Variants in UBAC2 observed in about 807,000 individuals in gnomAD.
The protein encoded by UBAC2 is UBA domain containing 2.
UBAC2 carries 26 observed loss-of-function variants against 44.0 expected under a neutral mutation model. The observed-to-expected ratio is 0.59, with a 90% CI of 0.43 to 0.82. The LOEUF is 0.82. Among genes scored for constraint, UBAC2 ranks in the 40% least tolerant of loss-of-function variants. The pLI is 0.00. For missense variants in UBAC2, 329 were observed against 419.4 expected (o/e 0.78, Z 1.88); for synonymous variants, 155 against 154.3 (o/e 1.00, Z -0.04).
At position 99,314,293 on chromosome 13, in the gene UBAC2, A is replaced by G. The variant is rs1251962412; in HGVS notation, c.513+73A>G. The stretch of plus-strand genomic sequence containing the variant: ...TTTTTTTTTTTTTGGTCTTTTTCTC[A>G]TTTGATCTCCTTGAAAACAATGGTT... On this transcript the variant is annotated intron_variant, in intron 5 of 8. Transcript: ENST00000403766. 18 of 1,389,256 alleles carry G rather than the reference A, an allele frequency of 1.3e-5. No homozygotes were observed. The Admixed American group carries it at 5.1e-4, about 39-fold the overall frequency. The allele number at this position is 1,389,256 out of a possible 1,614,324, so 86.1% of individuals were successfully genotyped here.
intron 6 of UBAC2, among the ~76,000 whole-genome samples, chr13:99,338,787 AG>A (rs1196484690): frequency 2.6e-5 from 4 of 152,198 alleles, no homozygotes; most frequent in Admixed American, 2.6e-4. Flanking sequence ...TGCAACATCC[AG>A]TGGCTAGTTC....
At chr13:99,344,377 G>C (rs963966313) in intron 7 of UBAC2, among the ~76,000 whole-genome samples, 9 of 152,144 alleles carry the variant, frequency 5.9e-5, no homozygotes, top group African/African-American at 1.2e-4. Flanking sequence ...TCAGTGCCAG[G>C]CTTCAGGTTT....
At chr13:99,350,861 G>A (rs776210664) in intron 7 of UBAC2, among the ~76,000 whole-genome samples, 1 of 152,176 alleles carries the variant, frequency 6.6e-6, no homozygotes, top group Non-Finnish European at 1.5e-5. Flanking sequence ...TTATCTCCTG[G>A]GAGACAGTGT....
intron 1 of UBAC2, among the ~76,000 whole-genome samples, chr13:99,235,051 G>A (rs973013872): frequency 2.6e-5 from 4 of 152,126 alleles, no homozygotes; most frequent in Admixed American, 6.5e-5. Context: ...GAAGAGGGGC[G>A]TGACTGCTTT....
chr13:99,304,054 C>T (rs1023842148), intron 4 of UBAC2, among the ~76,000 whole-genome samples: 1 of 152,184 alleles, frequency 6.6e-6, no homozygotes, highest in Non-Finnish European at 1.5e-5. Context: ...GGCTCTCAAA[C>T]GGGGCCCATC....
At chr13:99,259,765 T>TTACC (rs994256343) in intron 4 of UBAC2, among the ~76,000 whole-genome samples, 136 of 152,376 alleles carry the variant, frequency 8.9e-4, no homozygotes, top group African/African-American at 3.1e-3. Flanking sequence ...TTCACATAGC[T>TTACC]TAGGACTTTT....
chr13:99,223,935 C>T (rs1281773721), intron 1 of UBAC2, among the ~76,000 whole-genome samples: 1 of 152,074 alleles, frequency 6.6e-6, no homozygotes, highest in East Asian at 1.9e-4. Flanking sequence ...TCCATATGCA[C>T]TTGAAAAAAT....
At chr13:99,244,676 A>C in intron 4 of UBAC2, 52 bp downstream of exon 4, 1 of 1,081,242 alleles carries the variant, frequency 9.2e-7, no homozygotes, top group Non-Finnish European at 1.4e-6. Flanking sequence ...AATCTGATTT[A>C]AAGTGTTATT....
At chr13:99,215,139 C>G (rs866000552) in intron 1 of UBAC2, among the ~76,000 whole-genome samples, 6 of 152,216 alleles carry the variant, frequency 3.9e-5, no homozygotes, top group Admixed American at 1.3e-4. Flanking sequence ...TCAATCAAAG[C>G]CCAGTACTTC....
At position 99,314,086 on chromosome 13, in the gene UBAC2, T is replaced by G; in HGVS notation, c.390-11T>G. On this transcript the variant is annotated splice_polypyrimidine_tract_variant and intron_variant, in intron 4 of 8. Coordinates refer to ENST00000403766, the MANE Select transcript of UBAC2 (RefSeq NM_001144072.2). ...ACTATTATAGTGATTTTTTTTTATT[T>G]GTTTGCATAGCCTGGCACCTGTGTT... 6.3e-7 allele frequency: 1 copy of G among 1,593,638 alleles called. No homozygotes were observed. The highest frequency in any genetic ancestry group is 8.5e-7 in the Non-Finnish European group (1 of 1,173,034).
intron 4 of UBAC2, among the ~76,000 whole-genome samples, chr13:99,298,726 G>A (rs943825173): frequency 2.0e-5 from 3 of 152,098 alleles, no homozygotes; most frequent in African/African-American, 7.2e-5. Context: ...AAATCATAGG[G>A]ATTTCATTGT....
intron 6 of UBAC2, among the ~76,000 whole-genome samples, chr13:99,318,747 G>A (rs567709824): frequency 2.7e-5 from 4 of 149,380 alleles, no homozygotes; most frequent in Non-Finnish European, 5.9e-5. Context: ...CGTGGAACCC[G>A]AGAGGTGGAG....
chr13:99,230,822 G>A (rs980447859), intron 1 of UBAC2, among the ~76,000 whole-genome samples: 3 of 152,118 alleles, frequency 2.0e-5, no homozygotes, highest in Admixed American at 6.5e-5. Context: ...AGGCCGAGGC[G>A]GGTGGATCAT....
In UBAC2 at chr13:99,321,019, G is replaced by A. The variant is rs527344423; in HGVS notation, c.561+2950G>A. Among the ~76,000 whole-genome samples, 5 of 152,288 alleles carry A rather than the reference G, an allele frequency of 3.3e-5. No homozygotes were observed. In the South Asian group the frequency reaches 1.0e-3, roughly 32 times the overall value. On this transcript the variant is annotated intron_variant, in intron 6 of 8. Transcript: ENST00000403766. ...TAATTATAATTATAGATGATATTCA[G>A]TGTTTTGGGGAATGTTACAAAACCT...
At chr13:99,208,213 T>C (rs1040658887) in intron 1 of UBAC2, among the ~76,000 whole-genome samples, 1 of 152,154 alleles carries the variant, frequency 6.6e-6, no homozygotes, top group Non-Finnish European at 1.5e-5. Flanking sequence ...GTCAGGCTGG[T>C]CTTGAACTCC....
At chr13:99,303,448 C>T (rs866964903) in intron 4 of UBAC2, among the ~76,000 whole-genome samples, 1 of 152,146 alleles carries the variant, frequency 6.6e-6, no homozygotes, top group South Asian at 2.1e-4. Context: ...GTAAAAGCCA[C>T]CTATGTGGCT....
intron 7 of UBAC2, among the ~76,000 whole-genome samples, chr13:99,348,912 C>T (rs1162439632): frequency 6.6e-6 from 1 of 152,152 alleles, no homozygotes; most frequent in East Asian, 1.9e-4. Context: ...ACTCAGGAGG[C>T]TGAGATGGAA....
chr13:99,343,974 TG>T (rs1185992184), intron 7 of UBAC2, among the ~76,000 whole-genome samples: 3 of 152,214 alleles, frequency 2.0e-5, no homozygotes, highest in African/African-American at 7.2e-5. Context: ...AGCTGGACAT[TG>T]AGGACACAGG....
chr13:99,235,861 G>T (rs1752745758), intron 1 of UBAC2, among the ~76,000 whole-genome samples: 1 of 152,038 alleles, frequency 6.6e-6, no homozygotes, highest in Non-Finnish European at 1.5e-5. Context: ...CCAGCTACTA[G>T]GGAGGCTGAG....
Sources: allele counts gnomAD v4.1 joint callset (sites outside exome capture counted in the v4.1 genomes callset), GRCh38; gene constraint gnomAD v4.1.1; transcripts MANE v1.5; gene names NCBI Gene and HGNC (gene_info 2026-07-23, HGNC 2026-07-21).